The following NKAIN3 variants were observed in gnomAD, a reference collection of about 807,000 sequenced individuals.
NKAIN3 encodes sodium/potassium-transporting ATPase subunit beta-1-interacting protein 3.
A neutral mutation model predicts 30.2 loss-of-function variants in NKAIN3; 25 were observed. That is an observed-to-expected ratio of 0.83 (90% CI 0.60 to 1.16). NKAIN3 has a LOEUF of 1.16. NKAIN3 is among the 50% of genes most tolerant of loss of function. NKAIN3 has a pLI of 0.00. For synonymous variants in NKAIN3, 91 were observed against 89.6 expected (o/e 1.02, Z -0.09); for missense variants, 225 against 254.1 (o/e 0.89, Z 0.78).
chr8:62,521,772 A>G (rs1050985527), intron 1 of NKAIN3, among the ~76,000 whole-genome samples: 2 of 152,202 alleles, frequency 1.3e-5, no homozygotes, highest in Non-Finnish European at 2.9e-5. Context: ...AATTCAAGAA[A>G]GAATGATTCT....
chr8:62,855,423 G>A, intron 4 of NKAIN3: 1 of 1,037,854 alleles, frequency 9.6e-7, no homozygotes, highest in Non-Finnish European at 1.5e-6. Flanking sequence ...TTGGCCTTCA[G>A]CTCCTCTTCT....
In NKAIN3 at chr8:62,975,044, A is replaced by G. The variant is rs1446354429; in HGVS notation, c.*9637A>G. 1.3e-5 allele frequency among the ~76,000 whole-genome samples: 2 copies of G among 152,110 alleles called. No individual in the cohort carries two copies. Among genetic ancestry groups the G allele is most frequent in the African/African-American group, 4.8e-5 (2 of 41,430 alleles). On this transcript the variant is annotated 3_prime_UTR_variant, in exon 7 of 7. Transcript: ENST00000623646. ...TCATGGTGGGTAAGCTTTTTAATGT[A>G]CTGCTGCATTTCTTTTGCCAGTGTT... is the stretch of plus-strand genomic sequence containing the variant.
rs374268538 is a variant in NKAIN3, at chr8:62,981,687, C to T, written c.*16280C>T. On this transcript the variant is annotated 3_prime_UTR_variant, in exon 7 of 7. Transcript: ENST00000623646. The stretch of plus-strand genomic sequence containing the variant: ...TACCTTTCAAATTTTTCTGAGACTT[C>T]CTAAATGTGACAAGAACTCTGCTGT... 1 of 151,262 alleles carries T rather than the reference C, an allele frequency of 6.6e-6. No homozygotes were observed. The highest frequency in any genetic ancestry group is 2.4e-5 in the African/African-American group (1 of 41,126). 9.4% of individuals were successfully genotyped at this position (151,262 alleles called of 1,614,324 possible).
chr8:62,426,903 C>A (rs1350289952), intron 1 of NKAIN3, among the ~76,000 whole-genome samples: 2 of 151,936 alleles, frequency 1.3e-5, no homozygotes, highest in Non-Finnish European at 2.9e-5. Flanking sequence ...CTAGCTTGGC[C>A]ACTATGTGGA....
intron 3 of NKAIN3, among the ~76,000 whole-genome samples, chr8:62,633,931 G>C (rs182564824): frequency 2.0e-4 from 30 of 152,206 alleles, no homozygotes; most frequent in African/African-American, 7.2e-4. Flanking sequence ...AATAAGGGTA[G>C]GAGGGTTCAG....
At chr8:62,725,665 T>G (rs1815233340) in intron 3 of NKAIN3, among the ~76,000 whole-genome samples, 1 of 152,124 alleles carries the variant, frequency 6.6e-6, no homozygotes, top group Admixed American at 6.6e-5. Context: ...TAACTGTAGA[T>G]GTACGGATTT....
intron 4 of NKAIN3, chr8:62,855,913 A>G: frequency 9.2e-6 from 7 of 759,442 alleles, no homozygotes; most frequent in Middle Eastern, 2.7e-4. Flanking sequence ...CGGGGTGTGT[A>G]TCTGCGTGAT....
intron 5 of NKAIN3, among the ~76,000 whole-genome samples, chr8:62,996,420 ATTACAATTCAAGAAGAGAT>A (rs1487498672): frequency 7.9e-5 from 12 of 152,202 alleles, no homozygotes; most frequent in African/African-American, 2.9e-4. Context: ...ACACTTGGGG[ATTACAATTCAAGAAGAGAT>A]TTAGGTGGGG....
At chr8:62,495,979 T>C (rs1353720171) in intron 1 of NKAIN3, among the ~76,000 whole-genome samples, 1 of 152,154 alleles carries the variant, frequency 6.6e-6, no homozygotes, top group Non-Finnish European at 1.5e-5. Context: ...TTGTCCCCAC[T>C]GAATTGGTCT....
chr8:62,278,995 A>G (rs1185429239), intron 1 of NKAIN3, among the ~76,000 whole-genome samples: 1 of 152,178 alleles, frequency 6.6e-6, no homozygotes, highest in African/African-American at 2.4e-5. Context: ...AGTCCCACCA[A>G]CAGTGTAAAA....
intron 1 of NKAIN3, among the ~76,000 whole-genome samples, chr8:62,467,310 A>G (rs1373353851): frequency 6.6e-6 from 1 of 151,602 alleles, no homozygotes; most frequent in Non-Finnish European, 1.5e-5. Context: ...ACTTCTTTAG[A>G]AAAGAAAAGT....
chr8:62,656,427 G>C (rs564518034), intron 3 of NKAIN3, among the ~76,000 whole-genome samples: 1 of 150,142 alleles, frequency 6.7e-6, no homozygotes, highest in Non-Finnish European at 1.5e-5. Flanking sequence ...ATGTACCCCA[G>C]AACCTAAAGT....
intron 4 of NKAIN3, among the ~76,000 whole-genome samples, chr8:62,854,738 A>G (rs777749431): frequency 4.5e-4 from 68 of 152,190 alleles, no homozygotes; most frequent in Non-Finnish European, 8.5e-4. Flanking sequence ...TCCTGTCATC[A>G]TGATGCTAGC....
chr8:62,959,732 A>G (rs1823517486), intron 6 of NKAIN3, among the ~76,000 whole-genome samples: 1 of 152,158 alleles, frequency 6.6e-6, no homozygotes, highest in Non-Finnish European at 1.5e-5. Context: ...CGCTCCTATC[A>G]GTGGCTGTCT....
intron 3 of NKAIN3, among the ~76,000 whole-genome samples, chr8:62,600,587 C>T (rs1345157775): frequency 6.6e-6 from 1 of 152,008 alleles, no homozygotes; most frequent in East Asian, 1.9e-4. Context: ...CTTCATTTCC[C>T]ATTATAGCAA....
chr8:62,738,699 T>G (rs951725501), intron 3 of NKAIN3, among the ~76,000 whole-genome samples: 6 of 152,184 alleles, frequency 3.9e-5, no homozygotes, highest in African/African-American at 1.2e-4. Flanking sequence ...TAAATTTATT[T>G]AAGTTCCTTG....
At chr8:62,729,848 G>T (rs1815411341) in intron 3 of NKAIN3, among the ~76,000 whole-genome samples, 1 of 152,086 alleles carries the variant, frequency 6.6e-6, no homozygotes, top group African/African-American at 2.4e-5. Context: ...ATAAACTACT[G>T]CTATGAACAC....
chr8:62,576,188 T>C (rs929627931), intron 1 of NKAIN3, among the ~76,000 whole-genome samples: 6 of 151,898 alleles, frequency 4.0e-5, no homozygotes, highest in Admixed American at 2.0e-4. Context: ...ACTCTCAGAA[T>C]GGGAGAAAAA....
intron 4 of NKAIN3, among the ~76,000 whole-genome samples, chr8:62,899,928 G>C (rs1000263565): frequency 1.3e-5 from 2 of 151,486 alleles, no homozygotes; most frequent in Non-Finnish European, 2.9e-5. Flanking sequence ...TGGGTACAAT[G>C]TACACTACTC....
Sources: allele counts gnomAD v4.1 joint callset (sites outside exome capture counted in the v4.1 genomes callset), GRCh38; gene constraint gnomAD v4.1.1; transcripts MANE v1.5; gene names NCBI Gene and HGNC (gene_info 2026-07-23, HGNC 2026-07-21).